ENTHD1: variants seen among roughly 807,000 people sequenced by gnomAD.
ENTHD1 encodes ENTH domain containing 1, also known as ENTH domain-containing protein 1.
A neutral mutation model predicts 39.1 loss-of-function variants in ENTHD1; 23 were observed. The observed-to-expected ratio is 0.59, with a 90% CI of 0.42 to 0.83. The LOEUF (loss-of-function observed/expected upper bound fraction) is 0.83, where lower values mean the gene tolerates loss of function less well. ENTHD1 is among the 40% of genes least tolerant of loss of function. The pLI, the probability that ENTHD1 is intolerant of heterozygous loss-of-function variation, is 0.00. For missense variants in ENTHD1, 624 were observed against 705.4 expected, an observed-to-expected ratio of 0.88 and a Z score of 1.31; for synonymous variants, 230 against 258.2, an observed-to-expected ratio of 0.89 and a Z score of 1.05.
intron 3 of ENTHD1, among the ~76,000 whole-genome samples, chr22:39,843,693 T>C (rs1215788569): frequency 6.6e-6 from 1 of 152,058 alleles, no homozygotes; most frequent in Admixed American, 6.6e-5. Context: ...GCAATAACTG[T>C]AGCACACTTG....
chr22:39,877,750 C>T (rs375557448), intron 2 of ENTHD1, among the ~76,000 whole-genome samples: 2 of 152,106 alleles, frequency 1.3e-5, no homozygotes, highest in Non-Finnish European at 1.5e-5. Context: ...ACAAGTTCTG[C>T]CCTTAGGAGA....
rs2066388288 is a variant in ENTHD1, at chr22:39,887,450, A to G, written c.299T>C (p.Leu100Pro). The change falls in exon 2 of 7, where the codon CTT becomes CCT. Residue 100 changes from leucine to proline, a missense_variant. Coordinates refer to ENST00000325157, the MANE Select transcript of ENTHD1 (RefSeq NM_152512.4). ...IQHCREGFCN[L>P]QTLKDFQHID... ...GTGCTGAAAATCTTTTAGTGTTTGA[A>G]GGTTACAGAACCCCTCTCTGCAATG... 1.2e-6 allele frequency: 2 copies of G among 1,613,112 alleles called. No individual in the cohort carries two copies. The highest frequency in any genetic ancestry group is 3.3e-5 in the Admixed American group (2 of 59,754).
At chr22:39,817,918 A>G (rs1269666541) in intron 5 of ENTHD1, among the ~76,000 whole-genome samples, 1 of 152,220 alleles carries the variant, frequency 6.6e-6, no homozygotes, top group Non-Finnish European at 1.5e-5. Context: ...AAAGATGACT[A>G]TACCAACATA....
intron 6 of ENTHD1, among the ~76,000 whole-genome samples, chr22:39,745,457 C>A (rs2065095906): frequency 6.6e-6 from 1 of 152,192 alleles, no homozygotes; most frequent in African/African-American, 2.4e-5. Flanking sequence ...ATGGCCAGGG[C>A]AGGCAGCTTC....
At chr22:39,811,130 A>G (rs1399649931) in intron 5 of ENTHD1, among the ~76,000 whole-genome samples, 1 of 152,250 alleles carries the variant, frequency 6.6e-6, no homozygotes, top group African/African-American at 2.4e-5. Context: ...TAGAGTATCC[A>G]CTGGTCTGGA....
chr22:39,845,513 G>T (rs1201905520), intron 3 of ENTHD1, among the ~76,000 whole-genome samples: 5 of 152,158 alleles, frequency 3.3e-5, no homozygotes, highest in Non-Finnish European at 7.3e-5. Flanking sequence ...GGAGAAGCAT[G>T]AAAGGGAAAG....
At chr22:39,831,158 A>T in intron 4 of ENTHD1, among the ~76,000 whole-genome samples, 1 of 152,248 alleles carries the variant, frequency 6.6e-6, no homozygotes, top group East Asian at 1.9e-4. Context: ...AAGGAAGCTG[A>T]AATAACCTGT....
intron 5 of ENTHD1, among the ~76,000 whole-genome samples, chr22:39,772,274 G>A (rs558738601): frequency 1.1e-4 from 16 of 152,134 alleles, no homozygotes; most frequent in Non-Finnish European, 2.1e-4. Flanking sequence ...GATCTGACAG[G>A]AGGCGAAGCT....
intron 4 of ENTHD1, among the ~76,000 whole-genome samples, chr22:39,826,414 C>T (rs1029538427): frequency 3.3e-5 from 5 of 150,666 alleles, no homozygotes; most frequent in Non-Finnish European, 7.4e-5. Flanking sequence ...CTGTTGTTTT[C>T]CTGTTTTCAA....
At chr22:39,866,669 A>AT (rs2066184332) in intron 2 of ENTHD1, among the ~76,000 whole-genome samples, 1 of 152,212 alleles carries the variant, frequency 6.6e-6, no homozygotes, top group African/African-American at 2.4e-5. Flanking sequence ...CTATGCAGAC[A>AT]TGGGCCTCTG....
chr22:39,783,237 A>G (rs1313918880), intron 5 of ENTHD1, among the ~76,000 whole-genome samples: 1 of 152,198 alleles, frequency 6.6e-6, no homozygotes, highest in African/African-American at 2.4e-5. Context: ...TGGAAGATTT[A>G]TACAAGAAAA....
Position 39,772,912 on chromosome 22 carries a change from A to G in ENTHD1, c.833-7303T>C, listed in dbSNP as rs555206412. ...ATATTTCATAATGACAAAAGGGCCA[A>G]TCATCTGGAAGACACAAACATAAAT... On this transcript the variant is annotated intron_variant, in intron 5 of 6. Transcript: ENST00000325157. Among the ~76,000 whole-genome samples, 6 of 152,236 alleles carry G rather than the reference A, an allele frequency of 3.9e-5. No homozygotes were observed. In the East Asian group the frequency reaches 9.6e-4, roughly 24 times the overall value.
At chr22:39,892,001 AAAAT>A (rs999477815) in intron 1 of ENTHD1, among the ~76,000 whole-genome samples, 4 of 152,200 alleles carry the variant, frequency 2.6e-5, no homozygotes, top group Non-Finnish European at 5.9e-5. Context: ...TGATATTAAA[AAAAT>A]AAATAAATAA....
chr22:39,855,801 A>C (rs1354988873), intron 3 of ENTHD1, among the ~76,000 whole-genome samples: 1 of 152,156 alleles, frequency 6.6e-6, no homozygotes, highest in African/African-American at 2.4e-5. Flanking sequence ...CAGTGTAGAG[A>C]GCCATATCAG....
intron 2 of ENTHD1, chr22:39,875,596 T>C: frequency 1.2e-6 from 2 of 1,611,806 alleles, no homozygotes; most frequent in Non-Finnish European, 8.5e-7. Flanking sequence ...GTACGAAGTC[T>C]TCAAGAGAAA....
At chr22:39,854,500 T>C (rs2066069434) in intron 3 of ENTHD1, among the ~76,000 whole-genome samples, 1 of 152,200 alleles carries the variant, frequency 6.6e-6, no homozygotes, top group Admixed American at 6.5e-5. Context: ...CCTCTGGAGA[T>C]CATTTTTGTA....
chr22:39,875,894 C>G (rs1601662442), intron 2 of ENTHD1: 5 of 1,613,846 alleles, frequency 3.1e-6, no homozygotes, highest in African/African-American at 1.3e-5. Flanking sequence ...ACAGCATGAT[C>G]TAGATCGAGT....
chr22:39,776,264 A>T (rs1462436913), intron 5 of ENTHD1, among the ~76,000 whole-genome samples: 1 of 152,222 alleles, frequency 6.6e-6, no homozygotes, highest in Non-Finnish European at 1.5e-5. Context: ...TGATTGTTTC[A>T]TGAGGACTTT....
chr22:39,852,831 T>C (rs926398944), intron 3 of ENTHD1, among the ~76,000 whole-genome samples: 3 of 152,250 alleles, frequency 2.0e-5, no homozygotes, highest in African/African-American at 7.2e-5. Flanking sequence ...CACATGACTA[T>C]TCTGAGATGT....
Sources: allele counts gnomAD v4.1 joint callset (sites outside exome capture counted in the v4.1 genomes callset), GRCh38; gene constraint gnomAD v4.1.1; transcripts MANE v1.5; gene names NCBI Gene and HGNC (gene_info 2026-07-23, HGNC 2026-07-21).